The following ABCC5 variants were observed in gnomAD, a reference collection of about 807,000 sequenced individuals.
ABCC5 encodes the protein ATP binding cassette subfamily C member 5, also known as ATP-binding cassette sub-family C member 5.
In ABCC5, 61 loss-of-function variants were observed where a neutral mutation model predicts 160.9. That is an observed-to-expected ratio of 0.38 (90% CI 0.31 to 0.47). The LOEUF is 0.47. ABCC5 is among the 20% of genes least tolerant of loss of function. The pLI, the probability that ABCC5 is intolerant of heterozygous loss-of-function variation, is 0.99. For synonymous variants in ABCC5, 666 were observed against 700.6 expected (o/e 0.95, Z 0.78); for missense variants, 1,308 against 1,813.3 (o/e 0.72, Z 5.06).
rs755314790 is a variant in ABCC5, at chr3:183,947,345, G to A, written c.3393C>T (p.Leu1131=). 2.2e-5 allele frequency: 35 copies of A among 1,612,044 alleles called. No individual in the cohort carries two copies. Among genetic ancestry groups the A allele is most frequent in the East Asian group, 2.2e-5 (1 of 44,848 alleles). Residue 1131 remains leucine, a synonymous_variant, in exon 23 of 30, where the codon CTC becomes CTT. Transcript: ENST00000334444. ...TGACCTGGACAGCATAAGAGATGGC[G>A]AGACCCGCATAGGCTGGGGGAATCT... ...HGQIPPAYAG[L]AISYAVQLTG... is the part of the protein sequence containing the mutation.
At chr3:183,985,782 G>A in intron 5 of ABCC5, 1 of 247,670 alleles carries the variant, frequency 4.0e-6, no homozygotes, top group Non-Finnish European at 8.1e-6. Context: ...TGCACATATA[G>A]CGGCAGTCCC....
At chr3:183,965,869 C>T (rs780054136) in intron 12 of ABCC5, among the ~76,000 whole-genome samples, 150 of 152,174 alleles carry the variant, frequency 9.9e-4, no homozygotes, top group Non-Finnish European at 1.8e-3. Context: ...AACATGGGGG[C>T]AGGCCAACTC....
intron 2 of ABCC5, among the ~76,000 whole-genome samples, chr3:184,004,371 A>T (rs371995372): frequency 6.6e-6 from 1 of 152,044 alleles, no homozygotes; most frequent in African/African-American, 2.4e-5. Flanking sequence ...TTAGCCAGGC[A>T]TGGTGGTGCA....
intron 17 of ABCC5, among the ~76,000 whole-genome samples, chr3:183,955,383 T>G (rs556305744): frequency 6.6e-6 from 1 of 152,218 alleles, no homozygotes; most frequent in Non-Finnish European, 1.5e-5. Flanking sequence ...TCGTCAGTTG[T>G]GTGCCTGAAC....
At chr3:183,971,532 C>T (rs371638434) in intron 11 of ABCC5, 31 bp downstream of exon 11, 58 of 1,590,798 alleles carry the variant, frequency 3.6e-5, no homozygotes, top group Non-Finnish European at 4.7e-5. Context: ...TGGTGGGGTG[C>T]GGGCAGGGAG....
At chr3:183,924,837 G>C (rs1712364737) in intron 29 of ABCC5, among the ~76,000 whole-genome samples, 1 of 152,214 alleles carries the variant, frequency 6.6e-6, no homozygotes. Context: ...GGGTTTCATG[G>C]AGGCTTTGGC....
chr3:183,932,884 G>A (rs1035132031), intron 26 of ABCC5, among the ~76,000 whole-genome samples: 10 of 152,166 alleles, frequency 6.6e-5, no homozygotes, highest in Admixed American at 5.9e-4. Context: ...GTTATGACAG[G>A]TGGGGAATGG....
At chr3:183,958,120 G>T (rs1271452002) in intron 17 of ABCC5, among the ~76,000 whole-genome samples, 3 of 150,188 alleles carry the variant, frequency 2.0e-5, no homozygotes, top group Non-Finnish European at 3.0e-5. Context: ...ATATCACATC[G>T]GTTACATGCA....
intron 25 of ABCC5, among the ~76,000 whole-genome samples, chr3:183,938,872 T>C (rs1008576059): frequency 3.3e-5 from 5 of 152,186 alleles, no homozygotes; most frequent in African/African-American, 1.2e-4. Flanking sequence ...GAAGGAGGTT[T>C]TGCCTCGACT....
intron 10 of ABCC5, among the ~76,000 whole-genome samples, chr3:183,975,243 C>A (rs1391325421): frequency 6.6e-6 from 1 of 152,150 alleles, no homozygotes; most frequent in Non-Finnish European, 1.5e-5. Flanking sequence ...AAACAGCCCC[C>A]CAACCCTCAT....
intron 18 of ABCC5, among the ~76,000 whole-genome samples, chr3:183,952,338 G>C (rs6799583): frequency 0.19 from 29,490 of 151,980 alleles, 3,008 homozygotes; most frequent in East Asian, 0.43. Context: ...GTACAGACAG[G>C]GTTTTGCCAT....
chr3:183,947,760 G>C (rs1480261394), intron 22 of ABCC5, among the ~76,000 whole-genome samples: 1 of 152,082 alleles, frequency 6.6e-6, no homozygotes, highest in Non-Finnish European at 1.5e-5. Flanking sequence ...TCCTATTAAA[G>C]ATGTTATGGA....
intron 18 of ABCC5, among the ~76,000 whole-genome samples, chr3:183,952,648 C>T (rs900361873): frequency 2.0e-5 from 3 of 152,156 alleles, no homozygotes; most frequent in East Asian, 3.8e-4. Context: ...CATGTCCTCC[C>T]GCACACGCTG....
intron 23 of ABCC5, among the ~76,000 whole-genome samples, chr3:183,946,279 TGG>T: frequency 6.6e-6 from 1 of 152,324 alleles, no homozygotes; most frequent in East Asian, 1.9e-4. Context: ...TCACAACAAA[TGG>T]AGATATCAAC....
At chr3:183,939,966 C>G (rs1714132421) in intron 25 of ABCC5, among the ~76,000 whole-genome samples, 1 of 152,164 alleles carries the variant, frequency 6.6e-6, no homozygotes, top group Non-Finnish European at 1.5e-5. Context: ...CTGCCTTGCC[C>G]CAGTGTCTAC....
chr3:183,981,506 A>C (rs888439260), intron 8 of ABCC5, among the ~76,000 whole-genome samples: 1 of 152,234 alleles, frequency 6.6e-6, no homozygotes, highest in Admixed American at 6.5e-5. Context: ...GGGAAAAATC[A>C]ACATTTTCCC....
chr3:183,925,772 G>A, intron 28 of ABCC5, 53 bp from the exon 29 acceptor site: 3 of 1,549,116 alleles, frequency 1.9e-6, no homozygotes, highest in Non-Finnish European at 2.6e-6. Flanking sequence ...TTAGCATTCT[G>A]GTTAATCTAG....
intron 17 of ABCC5, among the ~76,000 whole-genome samples, chr3:183,957,192 G>T (rs568463806): frequency 2.6e-5 from 3 of 114,164 alleles, no homozygotes; most frequent in Admixed American, 8.9e-5. Context: ...ATATCACATC[G>T]GTTACATGCT....
At chr3:183,954,578 C>T (rs192819809) in intron 17 of ABCC5, among the ~76,000 whole-genome samples, 249 of 152,220 alleles carry the variant, frequency 1.6e-3, no homozygotes, top group African/African-American at 5.8e-3. Context: ...GATGGAGTTT[C>T]GGGAGGTAAA....
Sources: gnomAD v4.1 joint callset for allele counts (sites outside exome capture counted in the v4.1 genomes callset) on GRCh38, gnomAD v4.1.1 for gene constraint, MANE v1.5 for transcripts, NCBI Gene and HGNC (gene_info 2026-07-23, HGNC 2026-07-21) for gene names.